LPAR3: variants seen among roughly 807,000 people sequenced by gnomAD.
The protein encoded by LPAR3 is lysophosphatidic acid receptor 3.
Under a neutral mutation model 17.8 loss-of-function variants are expected in LPAR3, and 7 were observed. The observed-to-expected ratio is 0.39, with a 90% CI of 0.22 to 0.74. The LOEUF (loss-of-function observed/expected upper bound fraction) is 0.74. Among genes scored for constraint, LPAR3 ranks in the 30% least tolerant of loss-of-function variants. The pLI, the probability that LPAR3 is intolerant of heterozygous loss-of-function variation, is 0.40. For missense variants in LPAR3, 391 were observed against 453.4 expected, an observed-to-expected ratio of 0.86 and a Z score of 1.25; for synonymous variants, 179 against 179.9, an observed-to-expected ratio of 0.99 and a Z score of 0.04.
chr1:84,884,017 G>C lies in LPAR3; in HGVS notation c.-19+8999C>G, dbSNP rs1367552329. Among the ~76,000 whole-genome samples, 5 of 152,284 alleles carry C rather than the reference G, an allele frequency of 3.3e-5. No individual in the cohort carries two copies. In the East Asian group the frequency reaches 9.7e-4, roughly 29 times the overall value. ...CTAATAACTCTTTGTTAAGCATGTAGCTGTTGGACATGCTCACAGGCATGT... is the reference window on the plus strand; with the variant it reads ...CTAATAACTCTTTGTTAAGCATGTACCTGTTGGACATGCTCACAGGCATGT... On this transcript the variant is annotated intron_variant, in intron 1 of 2. Coordinates refer to ENST00000370611, the MANE Select transcript of LPAR3 (RefSeq NM_012152.3).
intron 2 of LPAR3, among the ~76,000 whole-genome samples, chr1:84,858,620 C>T (rs1225619166): frequency 6.6e-6 from 1 of 152,100 alleles, no homozygotes; most frequent in East Asian, 1.9e-4. Flanking sequence ...CTGCTTTTAG[C>T]TCCAGCATTT....
intron 2 of LPAR3, among the ~76,000 whole-genome samples, chr1:84,818,426 C>T (rs1311962493): frequency 6.6e-6 from 1 of 152,134 alleles, no homozygotes; most frequent in Non-Finnish European, 1.5e-5. Context: ...CAAAAAATCA[C>T]ATTAAAAATT....
At chr1:84,871,327 G>C (rs1660156034) in intron 1 of LPAR3, among the ~76,000 whole-genome samples, 1 of 152,142 alleles carries the variant, frequency 6.6e-6, no homozygotes, top group Non-Finnish European at 1.5e-5. Context: ...TTCCAAACTT[G>C]CTTCCCTGAA....
chr1:84,886,498 C>A (rs1192192426), intron 1 of LPAR3, among the ~76,000 whole-genome samples: 2 of 152,084 alleles, frequency 1.3e-5, no homozygotes, highest in Non-Finnish European at 2.9e-5. Flanking sequence ...TGCACTCCAG[C>A]CTGTAGTACA....
At position 84,866,030 on chromosome 1, in the gene LPAR3, C is replaced by T. The variant is rs1295068089; in HGVS notation, c.91G>A (p.Val31Met). Reference protein sequence around the residue: ...TVDDWTGTKLVIVLCVGTFFC... With the variant: ...TVDDWTGTKLMIVLCVGTFFC... Reference sequence around the variant, plus strand: ...AACGTCCCAACACACAAAACAATCACAAGCTTTGTTCCTGTCCAGTCATCG... The same window carrying T: ...AACGTCCCAACACACAAAACAATCATAAGCTTTGTTCCTGTCCAGTCATCG... The change falls in exon 2 of 3, where the codon GTG (valine) becomes ATG (methionine). Residue 31 changes from valine to methionine, a missense_variant. Coordinates refer to ENST00000370611, the MANE Select transcript of LPAR3 (RefSeq NM_012152.3). 6.2e-7 allele frequency: 1 copy of T among 1,614,112 alleles called. No individual in the cohort carries two copies. The highest frequency in any genetic ancestry group is 8.5e-7 in the Non-Finnish European group (1 of 1,179,992).
intron 2 of LPAR3, among the ~76,000 whole-genome samples, chr1:84,838,891 C>A (rs1659452997): frequency 6.6e-6 from 1 of 152,194 alleles, no homozygotes; most frequent in African/African-American, 2.4e-5. Flanking sequence ...GTGCCCCGGA[C>A]TGGCCCTGCC....
intron 1 of LPAR3, among the ~76,000 whole-genome samples, chr1:84,882,136 T>C (rs914631725): frequency 6.6e-6 from 1 of 152,334 alleles, no homozygotes; most frequent in Admixed American, 6.5e-5. Context: ...TTCAGTAAAG[T>C]TGCAGGATAC....
At chr1:84,851,883 CTG>C (rs1241006826) in intron 2 of LPAR3, among the ~76,000 whole-genome samples, 1 of 152,094 alleles carries the variant, frequency 6.6e-6, no homozygotes, top group African/African-American at 2.4e-5. Context: ...TCAGAGCTAA[CTG>C]TGCTTTTTAG....
intron 2 of LPAR3, among the ~76,000 whole-genome samples, chr1:84,815,631 G>A (rs1324802703): frequency 6.6e-6 from 1 of 152,174 alleles, no homozygotes; most frequent in Admixed American, 6.5e-5. Context: ...CTCAACCTAT[G>A]AGTGACCCGA....
chr1:84,819,153 A>G (rs1296669490), intron 2 of LPAR3, among the ~76,000 whole-genome samples: 1 of 152,246 alleles, frequency 6.6e-6, no homozygotes, highest in South Asian at 2.1e-4. Flanking sequence ...ATACAATTTC[A>G]TATAGAAAGG....
chr1:84,842,171 C>T (rs568390568), intron 2 of LPAR3, among the ~76,000 whole-genome samples: 2 of 152,228 alleles, frequency 1.3e-5, no homozygotes, highest in African/African-American at 4.8e-5. Context: ...CACTAGTGTT[C>T]CTCTCCTTTT....
rs1658813625 is a variant in LPAR3 at position 84,811,647 on chromosome 1, T to C, written c.*2199A>G. 1 of 152,206 alleles carries C rather than the reference T, an allele frequency of 6.6e-6. No individual in the cohort carries two copies. Among genetic ancestry groups the C allele is most frequent in the Admixed American group, 6.5e-5 (1 of 15,278 alleles). The allele number at this position is 152,206 out of a possible 1,614,324, so 9.4% of individuals were successfully genotyped here. On this transcript the variant is annotated 3_prime_UTR_variant, in exon 3 of 3. Coordinates refer to ENST00000370611, the MANE Select transcript of LPAR3 (RefSeq NM_012152.3). The stretch of plus-strand genomic sequence containing the variant: ...TTTTATAGGTAGCTTCGATAAAAGC[T>C]TCAGATAGACCCACATACTATACAG...
At chr1:84,826,399 T>C (rs970950425) in intron 2 of LPAR3, among the ~76,000 whole-genome samples, 2 of 152,034 alleles carry the variant, frequency 1.3e-5, no homozygotes, top group Non-Finnish European at 1.5e-5. Context: ...GCTGACATTT[T>C]CTTTGAATGG....
At chr1:84,876,605 T>A (rs77414294) in intron 1 of LPAR3, among the ~76,000 whole-genome samples, 9,904 of 152,188 alleles carry the variant, frequency 0.065, 391 homozygotes, top group African/African-American at 0.097. Flanking sequence ...CCATCTCTTG[T>A]TGGTTTCTAC....
At chr1:84,868,072 GT>G (rs531400200) in intron 1 of LPAR3, among the ~76,000 whole-genome samples, 124 of 152,154 alleles carry the variant, frequency 8.1e-4, no homozygotes, top group Non-Finnish European at 1.5e-3. Context: ...CTATTTAAGG[GT>G]TTCTGATACA....
At chr1:84,828,553 A>C (rs112210968) in intron 2 of LPAR3, among the ~76,000 whole-genome samples, 3 of 152,320 alleles carry the variant, frequency 2.0e-5, no homozygotes, top group African/African-American at 7.2e-5. Context: ...AATCCCAAGA[A>C]TATGGCAATA....
intron 2 of LPAR3, among the ~76,000 whole-genome samples, chr1:84,853,108 A>AAAAG (rs1491278098): frequency 0.1 from 1 of 10 alleles, no homozygotes; most frequent in East Asian, 0.5. Context: ...AAAAGAAAAG[A>AAAAG]AAAAAAAAAA....
intron 1 of LPAR3, among the ~76,000 whole-genome samples, chr1:84,888,632 G>A (rs540927761): frequency 1.3e-5 from 2 of 152,200 alleles, no homozygotes; most frequent in Admixed American, 1.3e-4. Context: ...GAGACCAGGG[G>A]CTTGCCTTAA....
chr1:84,885,404 T>C (rs566694053), intron 1 of LPAR3, among the ~76,000 whole-genome samples: 6 of 152,306 alleles, frequency 3.9e-5, no homozygotes, highest in Non-Finnish European at 5.9e-5. Flanking sequence ...GTGGGGAAAA[T>C]AGTACCCTCA....
Sources: gnomAD v4.1 joint callset for allele counts (sites outside exome capture counted in the v4.1 genomes callset) on GRCh38, gnomAD v4.1.1 for gene constraint, MANE v1.5 for transcripts, NCBI Gene and HGNC (gene_info 2026-07-23, HGNC 2026-07-21) for gene names.